PCDHA13: variants seen among roughly 807,000 people sequenced by gnomAD.
PCDHA13 encodes the protein protocadherin alpha 13.
A neutral mutation model predicts 64.8 loss-of-function variants in PCDHA13; 54 were observed. That is an observed-to-expected ratio of 0.83 (90% CI 0.67 to 1.04). PCDHA13 has a LOEUF of 1.04. Among genes scored for constraint, PCDHA13 ranks in the 50% least tolerant of loss-of-function variants. The pLI is 0.00. For synonymous variants in PCDHA13, 587 were observed against 564.4 expected, an observed-to-expected ratio of 1.04 and a Z score of -0.57; for missense variants, 1,248 against 1,254.3, an observed-to-expected ratio of 0.99 and a Z score of 0.08.
At chr5:140,911,057 TG>T (rs1554194586) in intron 1 of PCDHA13, among the ~76,000 whole-genome samples, 1 of 151,474 alleles carries the variant, frequency 6.6e-6, no homozygotes, top group Non-Finnish European at 1.5e-5. Context: ...TGGTGGGGGG[TG>T]GGTCCTGAGG....
chr5:140,999,217 A>G (rs2097851437), intron 3 of PCDHA13, among the ~76,000 whole-genome samples: 1 of 152,232 alleles, frequency 6.6e-6, no homozygotes, highest in Non-Finnish European at 1.5e-5. Context: ...TGGAAGTACT[A>G]CATTTGAGAA....
chr5:140,978,887 A>T, intron 1 of PCDHA13, 62 bp from the exon 2 acceptor site: 1 of 1,611,648 alleles, frequency 6.2e-7, no homozygotes, highest in Non-Finnish European at 8.5e-7. Context: ...ATCAATTAGC[A>T]GCATTCCTGG....
chr5:140,996,365 T>C (rs1017086317), intron 3 of PCDHA13, among the ~76,000 whole-genome samples: 4 of 152,196 alleles, frequency 2.6e-5, no homozygotes, highest in African/African-American at 9.7e-5. Context: ...GAAGCCATTT[T>C]GTTGTCGGCT....
rs1214485732 is a variant in PCDHA13, at chr5:141,010,285, C to T, written c.*348C>T. On this transcript the variant is annotated 3_prime_UTR_variant, in exon 4 of 4. Coordinates refer to ENST00000289272, the MANE Select transcript of PCDHA13 (RefSeq NM_018904.3). The stretch of plus-strand genomic sequence containing the variant: ...CTCCGGGGATCCTGTCTTGATGACA[C>T]TTGCAGGGCAGGCTGAAAAGTTTTG... The T allele has an allele frequency of 1.3e-6, 2 of 1,550,458 alleles. No homozygotes were observed. The highest frequency in any genetic ancestry group is 1.7e-6 in the Non-Finnish European group (2 of 1,146,698).
At chr5:141,000,833 G>A (rs1554257850) in intron 3 of PCDHA13, among the ~76,000 whole-genome samples, 2 of 151,930 alleles carry the variant, frequency 1.3e-5, no homozygotes, top group Non-Finnish European at 2.9e-5. Flanking sequence ...CTTGAGTCCA[G>A]GAGATCCAGT....
intron 1 of PCDHA13, chr5:140,927,108 C>A (rs782811125): frequency 6.2e-7 from 1 of 1,613,646 alleles, no homozygotes; most frequent in Non-Finnish European, 8.5e-7. Context: ...ATCTACCCAG[C>A]GGCAATTTGG....
At position 140,884,454 on chromosome 5, in the gene PCDHA13, A is replaced by G; in HGVS notation, c.2186A>G (p.Glu729Gly). 2 of 1,613,688 alleles carry G rather than the reference A, an allele frequency of 1.2e-6. No homozygotes were observed. The highest frequency in any genetic ancestry group is 1.7e-6 in the Non-Finnish European group (2 of 1,179,790). ...CTGCGGTGCTCGGCACCGCCCACCGAGGGCGCGTGCGCGCCGGGCAAGCCC... is the reference window on the plus strand; with the variant it reads ...CTGCGGTGCTCGGCACCGCCCACCGGGGGCGCGTGCGCGCCGGGCAAGCCC... ...TALRCSAPPTEGACAPGKPTL... is the reference protein window; with the variant it reads ...TALRCSAPPTGGACAPGKPTL... The change falls in exon 1 of 4, where the codon GAG becomes GGG. Residue 729 changes from glutamate to glycine, a missense_variant. Transcript: ENST00000289272.
intron 1 of PCDHA13, chr5:140,967,890 C>G: frequency 6.2e-7 from 1 of 1,614,176 alleles, no homozygotes; most frequent in Non-Finnish European, 8.5e-7. Context: ...AGCCCAGTGC[C>G]TGAGAATGCT....
Position 140,883,862 on chromosome 5 carries a change from C to T in PCDHA13, c.1594C>T (p.Gln532Ter), listed in dbSNP as rs1467289225. The T allele has an allele frequency of 1.9e-6, 3 of 1,613,000 alleles. No homozygotes were observed. The highest frequency in any genetic ancestry group is 1.7e-6 in the Non-Finnish European group (2 of 1,179,858). Residue 532 changes from glutamine (Q) to a stop codon, truncating the protein, a stop_gained, in exon 1 of 4, where the codon CAG (glutamine) becomes TAG (stop). Coordinates refer to ENST00000289272, the MANE Select transcript of PCDHA13 (RefSeq NM_018904.3). LOFTEE classifies it high-confidence loss of function. ...GGACCACGAGGAGCTGGAGCTGTTG[C>T]AGTTCCAGGTGAGCGCGCGCGACTC... ...PLDHEELELL[Q>*]FQVSARDSGV...
intron 1 of PCDHA13, among the ~76,000 whole-genome samples, chr5:140,907,751 A>T (rs1443394789): frequency 1.3e-5 from 2 of 152,134 alleles, no homozygotes; most frequent in African/African-American, 4.8e-5. Context: ...CACTTTGTTC[A>T]TGGGCCCATT....
intron 1 of PCDHA13, among the ~76,000 whole-genome samples, chr5:140,933,686 C>T (rs186587135): frequency 6.6e-6 from 1 of 151,890 alleles, no homozygotes; most frequent in Non-Finnish European, 1.5e-5. Flanking sequence ...ATTTTTTTTC[C>T]TATTCCTCGG....
At chr5:140,947,209 A>C (rs1462777257) in intron 1 of PCDHA13, among the ~76,000 whole-genome samples, 2 of 151,580 alleles carry the variant, frequency 1.3e-5, no homozygotes, top group Non-Finnish European at 3.0e-5. Flanking sequence ...AAAAAAAGAA[A>C]ATCCTGTCAT....
At chr5:140,982,607 G>T (rs868934947) in intron 3 of PCDHA13, 44 bp downstream of exon 3, 2 of 1,601,622 alleles carry the variant, frequency 1.2e-6, no homozygotes, top group South Asian at 1.1e-5. Flanking sequence ...TTTCTGGAAA[G>T]TGATCAGATG....
At chr5:141,007,980 A>G (rs533342900) in intron 3 of PCDHA13, among the ~76,000 whole-genome samples, 1 of 152,338 alleles carries the variant, frequency 6.6e-6, no homozygotes, top group East Asian at 1.9e-4. Context: ...TGTCATGTAT[A>G]TATGAAATGT....
chr5:140,966,928 C>T (rs782034487), intron 1 of PCDHA13: 1 of 1,603,332 alleles, frequency 6.2e-7, no homozygotes, highest in South Asian at 1.1e-5. Context: ...AGCAGGCACC[C>T]GGCGCGCTCG....
At chr5:140,922,316 A>G (rs983729529) in intron 1 of PCDHA13, among the ~76,000 whole-genome samples, 5 of 152,248 alleles carry the variant, frequency 3.3e-5, no homozygotes, top group Middle Eastern at 3.2e-3. Context: ...TTCACTGAAG[A>G]TCTTGGAAAG....
At chr5:140,940,764 G>C (rs977154290) in intron 1 of PCDHA13, among the ~76,000 whole-genome samples, 1 of 152,080 alleles carries the variant, frequency 6.6e-6, no homozygotes, top group Non-Finnish European at 1.5e-5. Context: ...ACTTTTATTT[G>C]ACTTTTGATG....
chr5:140,956,774 C>A (rs1232431991), intron 1 of PCDHA13, among the ~76,000 whole-genome samples: 2 of 152,070 alleles, frequency 1.3e-5, no homozygotes, highest in Non-Finnish European at 2.9e-5. Flanking sequence ...TCTGTCTGGT[C>A]CTGGGCTTTG....
rs941007574 is a variant in PCDHA13, at chr5:141,010,090, C to T, written c.*153C>T. 1.9e-6 allele frequency: 3 copies of T among 1,612,518 alleles called. No individual in the cohort carries two copies. Among genetic ancestry groups the T allele is most frequent in the Non-Finnish European group, 2.5e-6 (3 of 1,179,284 alleles). ...AAGTTCCCTGTGTCTGTCTAGAACG[C>T]ATTTAACAGGTTTTGTCGTAAAAGC... is the stretch of plus-strand genomic sequence containing the variant. On this transcript the variant is annotated 3_prime_UTR_variant, in exon 4 of 4. Coordinates refer to ENST00000289272, the MANE Select transcript of PCDHA13 (RefSeq NM_018904.3).
Sources: gnomAD v4.1 joint callset for allele counts (sites outside exome capture counted in the v4.1 genomes callset) on GRCh38, gnomAD v4.1.1 for gene constraint, MANE v1.5 for transcripts, NCBI Gene and HGNC (gene_info 2026-07-23, HGNC 2026-07-21) for gene names.